Variants in IL1RAPL1 observed in about 807,000 individuals in gnomAD.
IL1RAPL1 encodes the protein interleukin-1 receptor accessory protein-like 1.
In IL1RAPL1, 3 loss-of-function variants were observed where a neutral mutation model predicts 48.4. The observed-to-expected ratio is 0.06, with a 90% CI of 0.03 to 0.16. The LOEUF (loss-of-function observed/expected upper bound fraction) is 0.16. Among genes scored for constraint, IL1RAPL1 ranks in the 10% least tolerant of loss-of-function variants. IL1RAPL1 has a pLI of 1.00. For synonymous variants in IL1RAPL1, 185 were observed against 187.7 expected, an observed-to-expected ratio of 0.99 and a Z score of 0.12; for missense variants, 349 against 530.6, an observed-to-expected ratio of 0.66 and a Z score of 3.36.
intron 5 of IL1RAPL1, among the ~76,000 whole-genome samples, chrX:29,633,260 A>C (rs1486829840): frequency 9.0e-6 from 1 of 111,611 alleles, no homozygotes; most frequent in African/African-American, 3.3e-5. Context: ...AAGAGTATAT[A>C]ATATATGATT....
chrX:29,795,507 C>G (rs922122424), intron 6 of IL1RAPL1, among the ~76,000 whole-genome samples: 30 of 112,102 alleles, frequency 2.7e-4, no homozygotes, highest in Non-Finnish European at 5.3e-4. Flanking sequence ...ACCTCCTGGG[C>G]TCAAGTGATC....
At chrX:29,442,861 C>CAAA (rs34552845) in intron 5 of IL1RAPL1, among the ~76,000 whole-genome samples, 6 of 100,825 alleles carry the variant, frequency 6.0e-5, no homozygotes, top group African/African-American at 2.2e-4. Flanking sequence ...CTAACTATCT[C>CAAA]AAAAAAAAAG....
At chrX:28,782,593 A>G (rs1314743716) in intron 1 of IL1RAPL1, among the ~76,000 whole-genome samples, 1 of 111,951 alleles carries the variant, frequency 8.9e-6, no homozygotes, top group Admixed American at 9.5e-5. Context: ...TCGTCAGTTT[A>G]AAAAGAAAAA....
intron 5 of IL1RAPL1, among the ~76,000 whole-genome samples, chrX:29,588,140 C>G (rs1923244956): frequency 8.9e-6 from 1 of 112,108 alleles, no homozygotes; most frequent in Non-Finnish European, 1.9e-5. Flanking sequence ...AAGATACTGC[C>G]CTAGAGACCT....
chrX:29,393,124 T>A (rs899291689), intron 3 of IL1RAPL1, among the ~76,000 whole-genome samples: 1 of 108,369 alleles, frequency 9.2e-6, no homozygotes, highest in African/African-American at 3.3e-5. Context: ...CAAGTAACTT[T>A]CCCTAGTTTT....
chrX:28,640,880 T>A (rs1463362402), intron 1 of IL1RAPL1, among the ~76,000 whole-genome samples: 1 of 110,877 alleles, frequency 9.0e-6, no homozygotes, highest in Non-Finnish European at 1.9e-5. Context: ...TACTTATCTA[T>A]GCTGCATATC....
At chrX:29,811,334 G>A (rs1055233445) in intron 6 of IL1RAPL1, among the ~76,000 whole-genome samples, 49 of 110,733 alleles carry the variant, frequency 4.4e-4, no homozygotes, top group African/African-American at 1.6e-3. Context: ...GCAAGCTGAG[G>A]AACAAGGAAG....
intron 2 of IL1RAPL1, among the ~76,000 whole-genome samples, chrX:29,180,035 GA>G (rs5901915): frequency 9.3e-6 from 1 of 106,997 alleles, no homozygotes; most frequent in African/African-American, 3.4e-5. Context: ...TGAAGGAAAT[GA>G]AAAAAAAATC....
At chrX:29,057,789 A>G (rs1927254044) in intron 2 of IL1RAPL1, among the ~76,000 whole-genome samples, 1 of 111,797 alleles carries the variant, frequency 8.9e-6, no homozygotes, top group African/African-American at 3.3e-5. Flanking sequence ...TGGATGGATC[A>G]TTCAGAATGG....
chrX:29,693,367 G>T (rs985592077), intron 6 of IL1RAPL1, among the ~76,000 whole-genome samples: 1 of 112,021 alleles, frequency 8.9e-6, no homozygotes, highest in Non-Finnish European at 1.9e-5. Flanking sequence ...CTAAAATTCT[G>T]CTGCCGTGGT....
chrX:28,942,806 TTAATA>T (rs778347631), intron 2 of IL1RAPL1, among the ~76,000 whole-genome samples: 22 of 110,529 alleles, frequency 2.0e-4, no homozygotes, highest in African/African-American at 6.8e-4. Context: ...AGGTTTCTGT[TTAATA>T]TAAGGAAGAT....
chrX:29,584,693 A>T (rs1290683534), intron 5 of IL1RAPL1, among the ~76,000 whole-genome samples: 1 of 111,776 alleles, frequency 8.9e-6, no homozygotes, highest in Admixed American at 9.6e-5. Flanking sequence ...AGCTAGGATT[A>T]CACATGTGCA....
intron 1 of IL1RAPL1, among the ~76,000 whole-genome samples, chrX:28,736,719 T>C (rs1935830565): frequency 8.9e-6 from 1 of 112,122 alleles, no homozygotes; most frequent in Non-Finnish European, 1.9e-5. Context: ...ACAAACCATA[T>C]GCTGGATAAA....
At chrX:29,296,460 T>C (rs961247394) in intron 3 of IL1RAPL1, among the ~76,000 whole-genome samples, 4 of 111,478 alleles carry the variant, frequency 3.6e-5, no homozygotes, top group Non-Finnish European at 7.5e-5. Context: ...TTCTGTTTTG[T>C]ACATGGTTAG....
intron 2 of IL1RAPL1, among the ~76,000 whole-genome samples, chrX:28,801,334 A>C (rs997696963): frequency 3.6e-5 from 4 of 111,741 alleles, no homozygotes; most frequent in African/African-American, 1.3e-4. Context: ...TTTTCCAATC[A>C]AAAACTTCTT....
At chrX:29,758,203 A>G (rs1928665150) in intron 6 of IL1RAPL1, among the ~76,000 whole-genome samples, 1 of 112,224 alleles carries the variant, frequency 8.9e-6, no homozygotes, top group Non-Finnish European at 1.9e-5. Context: ...ACTTGTGTTC[A>G]TAAGAAACTT....
intron 1 of IL1RAPL1, among the ~76,000 whole-genome samples, chrX:28,706,274 G>T (rs1367844344): frequency 8.9e-6 from 1 of 112,180 alleles, no homozygotes; most frequent in Non-Finnish European, 1.9e-5. Context: ...TGTAGCATAG[G>T]AGCAATAGGC....
At chrX:29,488,691 G>C (rs978144979) in intron 5 of IL1RAPL1, among the ~76,000 whole-genome samples, 6 of 110,820 alleles carry the variant, frequency 5.4e-5, no homozygotes, top group Non-Finnish European at 9.5e-5. Flanking sequence ...GAGAGGTGGT[G>C]CATATATAAC....
At chrX:28,608,248 T>C (rs1934107860) in intron 1 of IL1RAPL1, among the ~76,000 whole-genome samples, 1 of 111,769 alleles carries the variant, frequency 8.9e-6, no homozygotes, top group Admixed American at 9.5e-5. Flanking sequence ...GTGAATTCTC[T>C]TCTTTGATTT....
Sources: gnomAD v4.1 joint callset for allele counts (sites outside exome capture counted in the v4.1 genomes callset) on GRCh38, gnomAD v4.1.1 for gene constraint, MANE v1.5 for transcripts, NCBI Gene and HGNC (gene_info 2026-07-23, HGNC 2026-07-21) for gene names.